The following LAMA4 variants were observed in gnomAD, a reference collection of about 807,000 sequenced individuals.
LAMA4 encodes the protein laminin subunit alpha-4.
A neutral mutation model predicts 207.1 loss-of-function variants in LAMA4; 127 were observed. The ratio of observed to expected loss-of-function variants is 0.61; its 90% CI spans 0.53 to 0.71. LAMA4 has a LOEUF of 0.71. Ranked by LOEUF, LAMA4 falls within the 30% of genes least tolerant of loss-of-function variation. The pLI is 0.00. For synonymous variants in LAMA4, 761 were observed against 816.0 expected, an observed-to-expected ratio of 0.93 and a Z score of 1.15; for missense variants, 2,093 against 2,246.5, an observed-to-expected ratio of 0.93 and a Z score of 1.38.
In LAMA4 at chr6:112,148,152, G is replaced by A; in HGVS notation, c.2353+5C>T. The A allele has an allele frequency of 6.2e-7, 1 of 1,612,502 alleles. No homozygotes were observed. Among genetic ancestry groups the A allele is most frequent in the Non-Finnish European group, 8.5e-7 (1 of 1,178,470 alleles). On this transcript the variant is annotated splice_donor_5th_base_variant and intron_variant, in intron 18 of 38. Coordinates refer to ENST00000230538, the MANE Select transcript of LAMA4 (RefSeq NM_001105206.3). ...GATTCAAATTGTGAAATTTCTAAGT[G>A]ATACCTGCATCCCTAGCAGAGTTCA...
intron 2 of LAMA4, chr6:112,251,676 T>C (rs1377004246): frequency 6.6e-6 from 1 of 152,254 alleles, no homozygotes; most frequent in Non-Finnish European, 1.5e-5. Context: ...TAAGGTCTGG[T>C]TACTGCTATA....
In LAMA4 at chr6:112,254,229, G is replaced by C; in HGVS notation, c.-79C>G. ...CGTAGGTCTCCCGCGTGGTGCGGCG[G>C]TGCCTCGCTTATTTTCCCTCCTCTC... On this transcript the variant is annotated 5_prime_UTR_variant, in exon 2 of 39. Coordinates refer to ENST00000230538, the MANE Select transcript of LAMA4 (RefSeq NM_001105206.3). 2 of 1,578,680 alleles carry C rather than the reference G, an allele frequency of 1.3e-6. No individual in the cohort carries two copies. Among genetic ancestry groups the C allele is most frequent in the Non-Finnish European group, 1.7e-6 (2 of 1,155,646 alleles).
chr6:112,140,982 TG>T, intron 21 of LAMA4, 60 bp from the exon 22 acceptor site: 1 of 1,466,068 alleles, frequency 6.8e-7, no homozygotes, highest in Non-Finnish European at 9.5e-7. Flanking sequence ...ACTTTTTAAA[TG>T]TCAAAATGTT....
Position 112,175,473 on chromosome 6 carries a change from G to T in LAMA4, c.1197C>A (p.Asn399Lys), listed in dbSNP as rs376451323. 4 of 1,614,020 alleles carry T rather than the reference G, an allele frequency of 2.5e-6. No homozygotes were observed. The African/African-American group carries it at 4.0e-5, about 16-fold the overall frequency. ...HDMRDKIQEI[N>K]NKMLYYGEEH... The stretch of plus-strand genomic sequence containing the variant: ...CTTCCCCATAATAGAGCATCTTGTT[G>T]TTGATCTCTGAAAGGAAGAACATGG... Residue 399 changes from asparagine to lysine, a missense_variant, in exon 11 of 39, where the codon AAC becomes AAA. Coordinates refer to ENST00000230538, the MANE Select transcript of LAMA4 (RefSeq NM_001105206.3).
At chr6:112,210,920 G>C (rs1297195131) in intron 3 of LAMA4, among the ~76,000 whole-genome samples, 1 of 151,974 alleles carries the variant, frequency 6.6e-6, no homozygotes, top group Non-Finnish European at 1.5e-5. Flanking sequence ...AAATTTTTCA[G>C]TTTAAATTTC....
At chr6:112,172,511 C>T in intron 12 of LAMA4, 100 bp downstream of exon 12, 1 of 1,046,042 alleles carries the variant, frequency 9.6e-7, no homozygotes, top group African/African-American at 1.6e-5. Context: ...AAGTATTTAA[C>T]TATACCAATA....
At chr6:112,221,281 T>C (rs1382706009) in intron 2 of LAMA4, among the ~76,000 whole-genome samples, 2 of 152,168 alleles carry the variant, frequency 1.3e-5, no homozygotes, top group East Asian at 1.9e-4. Context: ...TCTATTCTCA[T>C]AGGAGCTGAT....
chr6:112,223,366 G>A (rs1554361243), intron 2 of LAMA4, among the ~76,000 whole-genome samples: 10 of 152,184 alleles, frequency 6.6e-5, no homozygotes. Context: ...TAGCTACTTA[G>A]AAGGAATCAA....
At chr6:112,225,656 G>C (rs777356527) in intron 2 of LAMA4, among the ~76,000 whole-genome samples, 2 of 152,174 alleles carry the variant, frequency 1.3e-5, no homozygotes, top group Non-Finnish European at 2.9e-5. Context: ...TCTCTAAACT[G>C]ATACCCCTAC....
chr6:112,216,458 A>C lies in LAMA4; in HGVS notation c.207T>G (p.Ala69=), dbSNP rs782289200. 1 of 1,612,712 alleles carries C rather than the reference A, an allele frequency of 6.2e-7. No individual in the cohort carries two copies. ...RLPPAAEKCN[A]GFFHTLSGEC... is the part of the protein sequence containing the mutation. ...CTCCCGACAGGGTGTGAAAGAATCC[A>C]GCATTGCATTTCTGCAACAGACACA... Residue 69 remains alanine, a synonymous_variant, in exon 3 of 39, where the codon GCT becomes GCG. Transcript: ENST00000230538.
intron 2 of LAMA4, among the ~76,000 whole-genome samples, chr6:112,248,671 CA>C (rs1273081612): frequency 6.6e-6 from 1 of 151,760 alleles, no homozygotes; most frequent in Non-Finnish European, 1.5e-5. Flanking sequence ...CCAGGTATTC[CA>C]TAGGTAATAC....
At chr6:112,254,348 T>TCTCTCTCTCTCCCC in intron 1 of LAMA4, 57 bp from the exon 2 acceptor site, 1 of 521,794 alleles carries the variant, frequency 1.9e-6, no homozygotes, top group South Asian at 2.2e-5. Context: ...TCTCTCTCCC[T>TCTCTCTCTCTCCCC]CTCTCTCTCT....
chr6:112,168,247 T>C (rs1554340691), intron 12 of LAMA4, among the ~76,000 whole-genome samples: 1 of 149,690 alleles, frequency 6.7e-6, no homozygotes, highest in Admixed American at 6.6e-5. Context: ...TAGAAGAATA[T>C]ATGCTTAGTG....
At chr6:112,198,282 T>C (rs1783538867) in intron 5 of LAMA4, among the ~76,000 whole-genome samples, 1 of 152,200 alleles carries the variant, frequency 6.6e-6, no homozygotes, top group Non-Finnish European at 1.5e-5. Flanking sequence ...AACCACCACT[T>C]GACTCAATGA....
At chr6:112,245,238 G>T (rs1362005448) in intron 2 of LAMA4, among the ~76,000 whole-genome samples, 1 of 152,336 alleles carries the variant, frequency 6.6e-6, no homozygotes, top group South Asian at 2.1e-4. Flanking sequence ...TACCTCTGCT[G>T]TGGAAGAAGA....
At chr6:112,110,693 G>T (rs1554321304) in intron 38 of LAMA4, among the ~76,000 whole-genome samples, 4 of 152,194 alleles carry the variant, frequency 2.6e-5, no homozygotes, top group African/African-American at 7.2e-5. Context: ...ATGCTTATAA[G>T]AGGTAGAAAC....
chr6:112,182,536 GAT>G (rs1782430864), intron 9 of LAMA4, among the ~76,000 whole-genome samples: 1 of 152,212 alleles, frequency 6.6e-6, no homozygotes, highest in African/African-American at 2.4e-5. Flanking sequence ...ATGAGGTTCA[GAT>G]GCTTTTGATG....
chr6:112,133,528 T>C, intron 26 of LAMA4, 41 bp from the exon 27 acceptor site: 1 of 1,612,082 alleles, frequency 6.2e-7, no homozygotes, highest in Non-Finnish European at 8.5e-7. Context: ...GCCATGATGA[T>C]GATGTTACCC....
Position 112,142,259 on chromosome 6 carries a change from C to CT in LAMA4, c.2526dup (p.Ala843SerfsTer12). 1 of 1,614,142 alleles carries CT rather than the reference C, an allele frequency of 6.2e-7. No individual in the cohort carries two copies. Among genetic ancestry groups the CT allele is most frequent in the South Asian group, 1.1e-5 (1 of 91,084 alleles). ...CTGGTTCTCGAGTGCACTTCCACAG[C>CT]TGACTGGCCATCAAACATCATGGAG... On this transcript the variant is annotated frameshift_variant, in exon 20 of 39. Transcript: ENST00000230538. LOFTEE classifies it high-confidence loss of function.
Sources: gnomAD v4.1 joint callset for allele counts (sites outside exome capture counted in the v4.1 genomes callset) on GRCh38, gnomAD v4.1.1 for gene constraint, MANE v1.5 for transcripts, NCBI Gene and HGNC (gene_info 2026-07-23, HGNC 2026-07-21) for gene names.